The following KATNIP variants were observed in gnomAD, a reference collection of about 807,000 sequenced individuals.
KATNIP encodes katanin interacting protein, also known as katanin-interacting protein.
KATNIP carries 126 observed loss-of-function variants against 174.0 expected under a neutral mutation model. That is an observed-to-expected ratio of 0.72 (90% confidence interval 0.63 to 0.84). KATNIP has a LOEUF of 0.84. Among genes scored for constraint, KATNIP ranks in the 40% least tolerant of loss-of-function variants. The pLI, the probability that KATNIP is intolerant of heterozygous loss-of-function variation, is 0.00. For synonymous variants in KATNIP, 810 were observed against 835.7 expected (o/e 0.97, Z 0.53); for missense variants, 1,958 against 2,109.7 (o/e 0.93, Z 1.41).
chr16:27,641,752 C>G (rs2076806228), intron 5 of KATNIP, among the ~76,000 whole-genome samples: 1 of 152,224 alleles, frequency 6.6e-6, no homozygotes, highest in Non-Finnish European at 1.5e-5. Context: ...AAAGGAGGGG[C>G]CTGGAATTCT....
chr16:27,731,122 C>G (rs1180712967), intron 14 of KATNIP, among the ~76,000 whole-genome samples: 2 of 147,468 alleles, frequency 1.4e-5, no homozygotes, highest in African/African-American at 2.7e-5. Flanking sequence ...AGGCCAGGAC[C>G]CCCCCGTCCC....
chr16:27,678,118 G>A, intron 7 of KATNIP, 122 bp downstream of exon 7: 1 of 1,118,086 alleles, frequency 8.9e-7, no homozygotes, highest in Non-Finnish European at 1.3e-6. Flanking sequence ...GGCCAGGGAG[G>A]TATATCAGTC....
chr16:27,553,473 C>T (rs2089477832), intron 1 of KATNIP, among the ~76,000 whole-genome samples: 1 of 152,164 alleles, frequency 6.6e-6, no homozygotes, highest in African/African-American at 2.4e-5. Context: ...ATTTTATTTA[C>T]TGCCATGTAC....
intron 3 of KATNIP, 88 bp downstream of exon 3, chr16:27,618,589 C>T (rs903341075): frequency 1.1e-4 from 95 of 892,214 alleles, no homozygotes; most frequent in Non-Finnish European, 1.5e-4. Flanking sequence ...CCCTGCCTCA[C>T]ATAGGAATGG....
intron 13 of KATNIP, among the ~76,000 whole-genome samples, chr16:27,713,354 AC>A (rs1352797148): frequency 6.6e-6 from 1 of 152,252 alleles, no homozygotes; most frequent in East Asian, 1.9e-4. Context: ...GGGGATTGAT[AC>A]GGTTTGACTG....
At chr16:27,722,526 A>C (rs143468313) in intron 14 of KATNIP, 8 of 152,318 alleles carry the variant, frequency 5.3e-5, no homozygotes, top group African/African-American at 1.4e-4. Context: ...CAGGGAACTA[A>C]ATAGTGAGGA....
chr16:27,585,412 C>T (rs949811060), intron 2 of KATNIP, among the ~76,000 whole-genome samples: 8 of 152,170 alleles, frequency 5.3e-5, no homozygotes, highest in South Asian at 2.1e-4. Flanking sequence ...CCAGCAATTC[C>T]GCTCCTAAAT....
At chr16:27,595,400 C>T (rs1185424518) in intron 2 of KATNIP, among the ~76,000 whole-genome samples, 1 of 152,168 alleles carries the variant, frequency 6.6e-6, no homozygotes, top group Non-Finnish European at 1.5e-5. Flanking sequence ...TACTCACATA[C>T]ACACACAGAA....
Position 27,694,865 on chromosome 16 carries a change from G to A in KATNIP, c.941-3463G>A, listed in dbSNP as rs149299669. On this transcript the variant is annotated intron_variant, in intron 8 of 27. Transcript: ENST00000261588. ...ACTCTCTCAAACTCTGGATTCCTGC[G>A]TGCACAGGTCAACTCAGCAGCTCTG... Among the ~76,000 whole-genome samples, 822 of 152,052 alleles carry A rather than the reference G, an allele frequency of 5.4e-3. 6 individuals carry two copies. Among genetic ancestry groups the A allele is most frequent in the Non-Finnish European group, 9.0e-3 (612 of 67,986 alleles).
At position 27,648,494 on chromosome 16, in the gene KATNIP, GTA is replaced by G. The variant is rs1567250162; in HGVS notation, c.409-108_409-107del. On this transcript the variant is annotated intron_variant, in intron 5 of 27. Coordinates refer to ENST00000261588, the MANE Select transcript of KATNIP (RefSeq NM_015202.5). The stretch of plus-strand genomic sequence containing the variant: ...TTGCATGCAGGCACACCACCCCATG[GTA>G]TCTATGCCCATAGATCCTGGCTGAA... The G allele has an allele frequency of 3.8e-6, 5 of 1,304,182 alleles. No homozygotes were observed. The East Asian group carries it at 1.2e-4, about 31-fold the overall frequency. The allele number at this position is 1,304,182 out of a possible 1,614,324, so 80.8% of individuals were successfully genotyped here. A position where few individuals can be genotyped will look rare whatever the true frequency, so the allele number is the denominator to read the frequency against.
intron 15 of KATNIP, among the ~76,000 whole-genome samples, chr16:27,747,476 C>G (rs2081334209): frequency 6.6e-6 from 1 of 152,112 alleles, no homozygotes; most frequent in Non-Finnish European, 1.5e-5. Context: ...TCGGTGTTGG[C>G]TTCATTCTCA....
At chr16:27,712,445 A>G (rs574705670) in intron 13 of KATNIP, among the ~76,000 whole-genome samples, 1 of 152,162 alleles carries the variant, frequency 6.6e-6, no homozygotes, top group South Asian at 2.1e-4. Context: ...TCCTCATTTT[A>G]CCAATGAGAG....
At chr16:27,641,203 T>C (rs2076785269) in intron 5 of KATNIP, among the ~76,000 whole-genome samples, 1 of 151,942 alleles carries the variant, frequency 6.6e-6, no homozygotes, top group South Asian at 2.1e-4. Context: ...TCTTTCATGC[T>C]TTCAGTTCAA....
chr16:27,731,429 C>A (rs1295722211), intron 14 of KATNIP, among the ~76,000 whole-genome samples: 1 of 152,152 alleles, frequency 6.6e-6, no homozygotes, highest in South Asian at 2.1e-4. Context: ...ATGTGGCAAG[C>A]GGTATTTAAA....
At chr16:27,662,498 G>A (rs2077559287) in intron 6 of KATNIP, among the ~76,000 whole-genome samples, 1 of 152,106 alleles carries the variant, frequency 6.6e-6, no homozygotes, top group Non-Finnish European at 1.5e-5. Context: ...GCCCTGGGCA[G>A]GTGGGTCAGA....
chr16:27,647,447 TC>T (rs1265912102), intron 5 of KATNIP, among the ~76,000 whole-genome samples: 2 of 149,332 alleles, frequency 1.3e-5, no homozygotes, highest in Non-Finnish European at 3.0e-5. Flanking sequence ...GCTCAAGCAA[TC>T]CCCCCACCTC....
intron 18 of KATNIP, among the ~76,000 whole-genome samples, chr16:27,756,351 T>C (rs2081727874): frequency 6.6e-6 from 1 of 152,226 alleles, no homozygotes; most frequent in African/African-American, 2.4e-5. Context: ...GGGTTGAGGC[T>C]TGGTTTCATC....
chr16:27,666,793 G>A (rs548274830), intron 6 of KATNIP, among the ~76,000 whole-genome samples: 26 of 152,330 alleles, frequency 1.7e-4, no homozygotes, highest in South Asian at 1.2e-3. Context: ...TTGGGATGCC[G>A]AGGTAGGAGG....
intron 3 of KATNIP, among the ~76,000 whole-genome samples, chr16:27,627,086 C>A (rs2076356762): frequency 6.6e-6 from 1 of 152,174 alleles, no homozygotes; most frequent in Non-Finnish European, 1.5e-5. Context: ...TAAAACTGAT[C>A]TGTAACCCCA....
Sources: allele counts gnomAD v4.1 joint callset (sites outside exome capture counted in the v4.1 genomes callset), GRCh38; gene constraint gnomAD v4.1.1; transcripts MANE v1.5; gene names NCBI Gene and HGNC (gene_info 2026-07-23, HGNC 2026-07-21).